PRDM2: variants seen among roughly 807,000 people sequenced by gnomAD.
The protein encoded by PRDM2 is PR domain zinc finger protein 2.
A neutral mutation model predicts 130.0 loss-of-function variants in PRDM2; 30 were observed. The ratio of observed to expected loss-of-function variants is 0.23; its 90% CI spans 0.17 to 0.31. The LOEUF (loss-of-function observed/expected upper bound fraction) is 0.31. Among genes scored for constraint, PRDM2 ranks in the 10% least tolerant of loss-of-function variants. The probability of loss-of-function intolerance (pLI) is 1.00; values close to 1 mark genes in which losing one functional copy is unlikely to be tolerated. For synonymous variants in PRDM2, 871 were observed against 782.4 expected, an observed-to-expected ratio of 1.11 and a Z score of -1.89; for missense variants, 2,011 against 2,108.4, an observed-to-expected ratio of 0.95 and a Z score of 0.90.
In PRDM2 at chr1:13,780,927, C is replaced by G; in HGVS notation, c.3132C>G (p.Ala1044=). Residue 1044 remains alanine (A), a synonymous_variant, in exon 8 of 10, where the codon GCC becomes GCG. Transcript: ENST00000311066. ...CCGTGGAGCCCCTGATGTCTGCCGC[C>G]TCACCCGGGCCTCCAACACTTTCTT... The part of the protein sequence containing the change: ...IPPVEPLMSA[A]SPGPPTLSSS... 6.2e-7 allele frequency: 1 copy of G among 1,612,972 alleles called. No individual in the cohort carries two copies. Among genetic ancestry groups the G allele is most frequent in the Non-Finnish European group, 8.5e-7 (1 of 1,179,090 alleles).
chr1:13,757,156 C>T (rs1341285790), intron 6 of PRDM2, among the ~76,000 whole-genome samples: 2 of 152,240 alleles, frequency 1.3e-5, no homozygotes, highest in Non-Finnish European at 2.9e-5. Flanking sequence ...GTCATGGTGA[C>T]ACCTTCAGCT....
chr1:13,786,413 A>C, intron 8 of PRDM2: 1 of 1,486,166 alleles, frequency 6.7e-7, no homozygotes, highest in Non-Finnish European at 9.2e-7. Flanking sequence ...TTGTCGTCTT[A>C]ATAACATTTG....
intron 2 of PRDM2, among the ~76,000 whole-genome samples, chr1:13,718,842 A>T (rs1239696068): frequency 6.6e-6 from 1 of 152,030 alleles, no homozygotes; most frequent in Admixed American, 6.6e-5. Context: ...TTAACTTTTG[A>T]GATGTTCCAC....
At chr1:13,802,944 G>C (rs1442242077) in intron 8 of PRDM2, among the ~76,000 whole-genome samples, 1 of 152,222 alleles carries the variant, frequency 6.6e-6, no homozygotes, top group African/African-American at 2.4e-5. Flanking sequence ...AGGTGTGAAG[G>C]CAGAGGAGGG....
chr1:13,791,114 GTT>G (rs3215495), intron 8 of PRDM2, among the ~76,000 whole-genome samples: 1 of 145,670 alleles, frequency 6.9e-6, no homozygotes, highest in Non-Finnish European at 1.5e-5. Context: ...TATAGGTAGG[GTT>G]TTTTTTTTTT....
chr1:13,781,413 G>A lies in PRDM2; in HGVS notation c.3618G>A (p.Leu1206=), dbSNP rs540162170. 2.0e-6 allele frequency: 3 copies of A among 1,536,652 alleles called. No individual in the cohort carries two copies. The East Asian group carries it at 7.2e-5, about 37-fold the overall frequency. The change falls in exon 8 of 10, where the codon TTG becomes TTA. Residue 1206 remains leucine, a synonymous_variant. Coordinates refer to ENST00000311066, the MANE Select transcript of PRDM2 (RefSeq NM_001393986.1). The surrounding 1 kb of genome is among the most constrained non-coding windows in gnomAD (Gnocchi z 6.1). Reference sequence around the variant, plus strand: ...AAGAATTTGCTTTTTTGTGCAATTTGCAGCAGCACCAGCGAGATCTCCACC... The same window carrying A: ...AAGAATTTGCTTTTTTGTGCAATTTACAGCAGCACCAGCGAGATCTCCACC... ...CKKEFAFLCN[L]QQHQRDLHPD... is the part of the protein sequence containing the mutation.
At chr1:13,802,492 G>C (rs1264523880) in intron 8 of PRDM2, among the ~76,000 whole-genome samples, 1 of 152,146 alleles carries the variant, frequency 6.6e-6, no homozygotes, top group Non-Finnish European at 1.5e-5. Context: ...GAAATTCTGG[G>C]TCCAGGGCAG....
Position 13,714,228 on chromosome 1 carries a change from G to A in PRDM2, c.-65-1313G>A, listed in dbSNP as rs533338336. Reference sequence around the variant, plus strand: ...TGTCTTAGAGAAGAGGGTTGATTATGTTCAATATGTGATGTTTACTAAGGC... The same window carrying A: ...TGTCTTAGAGAAGAGGGTTGATTATATTCAATATGTGATGTTTACTAAGGC... On this transcript the variant is annotated intron_variant, in intron 1 of 9. Coordinates refer to ENST00000311066, the MANE Select transcript of PRDM2 (RefSeq NM_001393986.1). Among the ~76,000 whole-genome samples the A allele has an allele frequency of 5.3e-5, 8 of 151,812 alleles. No homozygotes were observed. The East Asian group carries it at 1.6e-3, about 29-fold the overall frequency.
At chr1:13,711,084 CAAA>C (rs55784865) in intron 1 of PRDM2, among the ~76,000 whole-genome samples, 36 of 138,146 alleles carry the variant, frequency 2.6e-4, no homozygotes, top group Admixed American at 5.1e-4. Context: ...GGCTCTGTCT[CAAA>C]AAAAAAAAAA....
intron 2 of PRDM2, 25 bp from the exon 3 acceptor site, chr1:13,730,975 G>T: frequency 6.8e-7 from 1 of 1,471,372 alleles, no homozygotes; most frequent in Non-Finnish European, 9.2e-7. Flanking sequence ...CTTTTGCTGT[G>T]ATCCTTCCAT....
At chr1:13,715,653 T>C in intron 2 of PRDM2, 39 bp downstream of exon 2, 2 of 1,542,780 alleles carry the variant, frequency 1.3e-6, no homozygotes, top group South Asian at 1.2e-5. Context: ...ATACATGACC[T>C]AGATGTTAGA....
rs1349556230 is a variant in PRDM2 at position 13,739,021 on chromosome 1, C to G, written c.232-2984C>G. Reference sequence around the variant, plus strand: ...GGCTTTCATTGAAACACTTTTTTACCAAATTGAGATTATCTTTTTTTTCTT... The same window carrying G: ...GGCTTTCATTGAAACACTTTTTTACGAAATTGAGATTATCTTTTTTTTCTT... On this transcript the variant is annotated intron_variant, in intron 4 of 9. Coordinates refer to ENST00000311066, the MANE Select transcript of PRDM2 (RefSeq NM_001393986.1). 6 of 150,716 alleles carry G rather than the reference C, an allele frequency of 4.0e-5. No homozygotes were observed. The East Asian group carries it at 9.7e-4, about 24-fold the overall frequency. 9.3% of individuals were successfully genotyped at this position (150,716 alleles called of 1,614,324 possible). A position where few individuals can be genotyped will look rare whatever the true frequency, so the allele number is the denominator to read the frequency against.
rs556608923 is a variant in PRDM2, at chr1:13,746,246, CTTTA to C, written c.385-3111_385-3108del. Among the ~76,000 whole-genome samples the C allele has an allele frequency of 1.2e-3, 175 of 151,360 alleles. 3 individuals carry two copies. The South Asian group carries it at 0.036, about 31-fold the overall frequency. ...AAAAAGAGGTTGTTTGGTCTTTTGACTTTATTTTTTTAATGTGGATTTATATTTC... is the reference window on the plus strand; with the variant it reads ...AAAAAGAGGTTGTTTGGTCTTTTGACTTTTTTTAATGTGGATTTATATTTC... On this transcript the variant is annotated intron_variant, in intron 5 of 9. Transcript: ENST00000311066.
intron 6 of PRDM2, among the ~76,000 whole-genome samples, chr1:13,753,211 C>T (rs557055827): frequency 1.0e-3 from 156 of 152,260 alleles, no homozygotes; most frequent in Non-Finnish European, 1.4e-3. Flanking sequence ...GAGTTTATAG[C>T]GGCAAGAAGT....
chr1:13,800,568 G>A (rs1049455542), intron 8 of PRDM2, among the ~76,000 whole-genome samples: 28 of 152,210 alleles, frequency 1.8e-4, no homozygotes, highest in African/African-American at 6.3e-4. Context: ...CGGCACCAGG[G>A]AACAGAGAAG....
At chr1:13,701,078 G>A (rs1057090838) in intron 1 of PRDM2, among the ~76,000 whole-genome samples, 14 of 152,216 alleles carry the variant, frequency 9.2e-5, no homozygotes, top group African/African-American at 3.1e-4. Context: ...GTGTCGGGCT[G>A]TGAGCTGCGG....
At chr1:13,820,739 CCCCCA>C (rs1645335853) in intron 9 of PRDM2, among the ~76,000 whole-genome samples, 2 of 152,082 alleles carry the variant, frequency 1.3e-5, no homozygotes, top group South Asian at 4.2e-4. Flanking sequence ...TCAGGTCCAG[CCCCCA>C]GCTCCTGCTG....
chr1:13,809,814 A>G (rs77216328), intron 8 of PRDM2, among the ~76,000 whole-genome samples: 4,012 of 152,322 alleles, frequency 0.026, 164 homozygotes, highest in African/African-American at 0.09. Flanking sequence ...TTGGGCTGCC[A>G]TAACAGAATA....
At chr1:13,763,334 G>T (rs978590413) in intron 6 of PRDM2, among the ~76,000 whole-genome samples, 1 of 152,212 alleles carries the variant, frequency 6.6e-6, no homozygotes, top group Non-Finnish European at 1.5e-5. Context: ...AAGTGATGAT[G>T]TGTAGCATGG....
Sources: allele counts gnomAD v4.1 joint callset (sites outside exome capture counted in the v4.1 genomes callset), GRCh38; gene constraint gnomAD v4.1.1; non-coding constraint Gnocchi (gnomAD v3.1); transcripts MANE v1.5; gene names NCBI Gene and HGNC (gene_info 2026-07-23, HGNC 2026-07-21).